Variants in MAMLD1 observed in about 807,000 individuals in gnomAD.
MAMLD1 encodes mastermind-like domain-containing protein 1.
In MAMLD1, 14 loss-of-function variants were observed where a neutral mutation model predicts 45.0. The observed-to-expected ratio is 0.31, with a 90% CI of 0.21 to 0.49. The LOEUF (loss-of-function observed/expected upper bound fraction) is 0.49. Among genes scored for constraint, MAMLD1 ranks in the 20% least tolerant of loss-of-function variants. MAMLD1 has a pLI of 0.99. For synonymous variants in MAMLD1, 254 were observed against 247.8 expected (o/e 1.02, Z -0.24); for missense variants, 543 against 603.6 (o/e 0.90, Z 1.05).
intron 1 of MAMLD1, among the ~76,000 whole-genome samples, chrX:150,372,704 A>C (rs1270736528): frequency 3.6e-5 from 4 of 112,369 alleles, no homozygotes; most frequent in African/African-American, 1.3e-4. Context: ...CAAACCTGAC[A>C]CACTTGGTGT....
intron 1 of MAMLD1, among the ~76,000 whole-genome samples, chrX:150,402,508 G>A (rs1325063110): frequency 1.8e-5 from 2 of 111,856 alleles, no homozygotes; most frequent in Non-Finnish European, 3.8e-5. Context: ...GTGGAAGTCA[G>A]TGTGGCGATT....
intron 1 of MAMLD1, among the ~76,000 whole-genome samples, chrX:150,369,041 G>A (rs2031750711): frequency 8.9e-6 from 1 of 112,464 alleles, no homozygotes; most frequent in Non-Finnish European, 1.9e-5. Flanking sequence ...TCTTGGCAAT[G>A]CAGGCTCTTT....
At position 150,379,404 on chromosome X, in the gene MAMLD1, T is replaced by C. The variant is rs1212489512; in HGVS notation, c.-64+15874T>C. ...AATTATTTTTGTCTTTTCGTAAGAG[T>C]GAATCCTTCAAGCACTGTTAAAAAG... On this transcript the variant is annotated intron_variant, in intron 1 of 7. Coordinates refer to ENST00000370401, the MANE Select transcript of MAMLD1 (RefSeq NM_005491.5). Among the ~76,000 whole-genome samples, 4 of 111,826 alleles carry C rather than the reference T, an allele frequency of 3.6e-5. No homozygotes were observed. In the Admixed American group the frequency reaches 3.8e-4, roughly 11 times the overall value.
chrX:150,512,420 G>A lies in MAMLD1; in HGVS notation c.*461G>A, dbSNP rs1557409199. On this transcript the variant is annotated 3_prime_UTR_variant, in exon 8 of 8. Transcript: ENST00000370401. ...CACTGCGTTCAACAATGCTGCATGG[G>A]TCACAGCGGCAGCAGCTGTGACCAC... 2.6e-6 allele frequency: 3 copies of A among 1,154,872 alleles called. No individual in the cohort carries two copies. The highest frequency in any genetic ancestry group is 3.4e-6 in the Non-Finnish European group (3 of 872,033).
chrX:150,503,323 T>G lies in MAMLD1; in HGVS notation c.2090T>G (p.Val697Gly). The change falls in exon 6 of 8, where the codon GTC becomes GGC. Residue 697 changes from valine to glycine, a missense_variant. Physicochemically the swap from Val to Gly is moderately radical, Grantham distance 109 (BLOSUM62 -3). Coordinates refer to ENST00000370401, the MANE Select transcript of MAMLD1 (RefSeq NM_005491.5). ...CKLGEARHPQVSLGRQPPSCQ... is the reference protein window; with the variant it reads ...CKLGEARHPQGSLGRQPPSCQ... ...CTTGGGGAAGCCAGGCACCCCCAGGTCAGCCTCGGGCGACAGCCCCCGTCC... is the reference window on the plus strand; with the variant it reads ...CTTGGGGAAGCCAGGCACCCCCAGGGCAGCCTCGGGCGACAGCCCCCGTCC... The G allele has an allele frequency of 8.3e-7, 1 of 1,211,985 alleles. No individual in the cohort carries two copies. The highest frequency in any genetic ancestry group is 1.7e-5 in the African/African-American group (1 of 57,934).
At position 150,490,361 on chromosome X, in the gene MAMLD1, G is replaced by A. The variant is rs2037143999; in HGVS notation, c.2041-12913G>A. Among the ~76,000 whole-genome samples the A allele has an allele frequency of 2.7e-5, 3 of 112,302 alleles. No individual in the cohort carries two copies. The South Asian group carries it at 1.1e-3, about 41-fold the overall frequency. On this transcript the variant is annotated intron_variant, in intron 5 of 7. Transcript: ENST00000370401. ...TTTGTCACTCAGTGTTTAGATTGTT[G>A]TTTTTCCCCCTTTCCATTGTTTGTC...
At chrX:150,459,659 G>A (rs1230208133) in intron 2 of MAMLD1, among the ~76,000 whole-genome samples, 1 of 110,509 alleles carries the variant, frequency 9.0e-6, no homozygotes, top group Non-Finnish European at 1.9e-5. Flanking sequence ...ACTTTCTTGA[G>A]TCACTGGGAA....
intron 1 of MAMLD1, among the ~76,000 whole-genome samples, chrX:150,431,777 T>C (rs1372569644): frequency 1.8e-5 from 2 of 111,027 alleles, no homozygotes; most frequent in Non-Finnish European, 3.8e-5. Context: ...TGCATGGTAT[T>C]TCACAGTGTA....
Position 150,445,620 on chromosome X carries a change from A to C in MAMLD1, c.96+8A>C. On this transcript the variant is annotated splice_region_variant and intron_variant, in intron 2 of 7. Transcript: ENST00000370401. Reference sequence around the variant, plus strand: ...AGAAAGCTCCAGGAATCGGTCAGACAATGGGCCATGGGGGGAGGGGGGTAT... The same window carrying C: ...AGAAAGCTCCAGGAATCGGTCAGACCATGGGCCATGGGGGGAGGGGGGTAT... The C allele has an allele frequency of 8.7e-7, 1 of 1,153,008 alleles. No individual in the cohort carries two copies. The highest frequency in any genetic ancestry group is 1.2e-6 in the Non-Finnish European group (1 of 842,932).
At chrX:150,488,628 C>T (rs186241003) in intron 5 of MAMLD1, among the ~76,000 whole-genome samples, 173 of 112,797 alleles carry the variant, frequency 1.5e-3, no homozygotes, top group Non-Finnish European at 2.2e-3. Context: ...AAAGTATATC[C>T]CACATATATT....
In MAMLD1 at chrX:150,512,518, C is replaced by T. The variant is rs1557409221; in HGVS notation, c.*559C>T. On this transcript the variant is annotated 3_prime_UTR_variant, in exon 8 of 8. Coordinates refer to ENST00000370401, the MANE Select transcript of MAMLD1 (RefSeq NM_005491.5). ...AGCAGCACTCACCTTCTGGCCAGGC[C>T]TGCCTTCAGAGGCCATCTGATTGGG... The T allele has an allele frequency of 6.1e-6, 7 of 1,156,355 alleles. No homozygotes were observed. Among genetic ancestry groups the T allele is most frequent in the Non-Finnish European group, 8.0e-6 (7 of 872,951 alleles).
intron 1 of MAMLD1, among the ~76,000 whole-genome samples, chrX:150,411,960 A>C (rs1487449472): frequency 1.8e-5 from 2 of 112,301 alleles, no homozygotes; most frequent in Admixed American, 1.9e-4. Flanking sequence ...TTAATAATTA[A>C]AACCATATGA....
chrX:150,486,347 C>G (rs926875092), intron 5 of MAMLD1, among the ~76,000 whole-genome samples: 1 of 111,656 alleles, frequency 9.0e-6, no homozygotes, highest in Non-Finnish European at 1.9e-5. Flanking sequence ...GAAGCCCCCC[C>G]AGATTTCATG....
At chrX:150,473,983 G>A (rs1348956451) in intron 5 of MAMLD1, among the ~76,000 whole-genome samples, 181 bp downstream of exon 5, 1 of 111,901 alleles carries the variant, frequency 8.9e-6, no homozygotes, top group Admixed American at 9.4e-5. Flanking sequence ...AGACCGAACA[G>A]TCAAGCTCCC....
At chrX:150,399,067 T>C (rs946197653) in intron 1 of MAMLD1, among the ~76,000 whole-genome samples, 1 of 112,104 alleles carries the variant, frequency 8.9e-6, no homozygotes, top group African/African-American at 3.2e-5. Flanking sequence ...CACCATATTT[T>C]CAAGCAAGGA....
At chrX:150,413,632 A>G (rs781868127) in intron 1 of MAMLD1, among the ~76,000 whole-genome samples, 38 of 109,025 alleles carry the variant, frequency 3.5e-4, no homozygotes, top group Non-Finnish European at 6.5e-4. Context: ...ACCTATCTAT[A>G]TGAATCACAA....
chrX:150,504,879 C>G, intron 6 of MAMLD1: 1 of 753,927 alleles, frequency 1.3e-6, no homozygotes, highest in Middle Eastern at 7.6e-4. Context: ...CCTGTCAACA[C>G]AGCCACTTTG....
intron 1 of MAMLD1, among the ~76,000 whole-genome samples, chrX:150,402,834 A>G (rs1381820242): frequency 9.0e-6 from 1 of 110,498 alleles, no homozygotes; most frequent in Non-Finnish European, 1.9e-5. Context: ...AAAAAACCAA[A>G]CACCGTATGT....
rs1557408375 is a variant in MAMLD1, at chrX:150,498,061, C to T, written c.2041-5213C>T. On this transcript the variant is annotated intron_variant, in intron 5 of 7. Transcript: ENST00000370401. The stretch of plus-strand genomic sequence containing the variant: ...CAGTGCCTTACACTGAGTAAGTTCT[C>T]AGTAAATATTTATAATATCATCATC... 3.6e-5 allele frequency among the ~76,000 whole-genome samples: 4 copies of T among 111,159 alleles called. No homozygotes were observed. In the South Asian group the frequency reaches 1.2e-3, roughly 33 times the overall value.
Sources: gnomAD v4.1 joint callset for allele counts (sites outside exome capture counted in the v4.1 genomes callset) on GRCh38, gnomAD v4.1.1 for gene constraint, MANE v1.5 for transcripts, NCBI Gene and HGNC (gene_info 2026-07-23, HGNC 2026-07-21) for gene names.